The following RGS3 variants were observed in gnomAD, a reference collection of about 807,000 sequenced individuals.
RGS3 encodes the protein regulator of G protein signaling 3, also known as regulator of G-protein signalling 3.
In RGS3, 80 loss-of-function variants were observed where a neutral mutation model predicts 132.6. The observed-to-expected ratio is 0.60, with a 90% CI of 0.50 to 0.73. The LOEUF (loss-of-function observed/expected upper bound fraction) is 0.73, where lower values mean the gene tolerates loss of function less well. Among genes scored for constraint, RGS3 ranks in the 30% least tolerant of loss-of-function variants. RGS3 has a pLI of 0.00. For synonymous variants in RGS3, 598 were observed against 620.6 expected, an observed-to-expected ratio of 0.96 and a Z score of 0.54; for missense variants, 1,382 against 1,530.8, an observed-to-expected ratio of 0.90 and a Z score of 1.62.
At chr9:113,491,820 C>T (rs1476575385) in intron 7 of RGS3, among the ~76,000 whole-genome samples, 3 of 152,250 alleles carry the variant, frequency 2.0e-5, no homozygotes, top group African/African-American at 4.8e-5. Context: ...TCCCAAAGTG[C>T]TGGGATTACA....
chr9:113,484,167 AC>A lies in RGS3; in HGVS notation c.556del (p.Arg186AlafsTer53). ...CTTTGATCCCTGAAGATAGTAGACT[AC>A]GCCACCAGAAGACGCAGACCGTTCC... On this transcript the variant is annotated frameshift_variant, in exon 6 of 25. Coordinates refer to ENST00000350696, the Ensembl canonical transcript of RGS3. LOFTEE classifies it high-confidence loss of function. The A allele has an allele frequency of 6.2e-7, 1 of 1,612,362 alleles. No homozygotes were observed. Among genetic ancestry groups the A allele is most frequent in the Non-Finnish European group, 8.5e-7 (1 of 1,178,586 alleles).
At chr9:113,525,600 A>C (rs1240411951) in intron 17 of RGS3, among the ~76,000 whole-genome samples, 1 of 152,216 alleles carries the variant, frequency 6.6e-6, no homozygotes, top group Non-Finnish European at 1.5e-5. Flanking sequence ...TCAAACCACC[A>C]TGTATGCAGA....
chr9:113,509,717 C>T (rs1356337671), intron 14 of RGS3, among the ~76,000 whole-genome samples: 1 of 152,078 alleles, frequency 6.6e-6, no homozygotes, highest in Admixed American at 6.5e-5. Context: ...CCTTGCTGTT[C>T]CCCTCTCAGT....
In RGS3 at chr9:113,470,444, A is replaced by T. The variant is rs142894150; in HGVS notation, c.415+8243A>T. ...TTGAAGCTATGTTAACAACATACAG[A>T]TTTAGAATTATTATCTTTCTGGTGA... is the stretch of plus-strand genomic sequence containing the variant. On this transcript the variant is annotated intron_variant, in intron 3 of 24. Transcript: ENST00000350696. Among the ~76,000 whole-genome samples, 317 of 152,280 alleles carry T rather than the reference A, an allele frequency of 2.1e-3. 1 individual carries two copies. Among genetic ancestry groups the T allele is most frequent in the Middle Eastern group, 6.8e-3 (2 of 294 alleles).
intron 7 of RGS3, among the ~76,000 whole-genome samples, chr9:113,488,223 G>A (rs1291961587): frequency 2.0e-5 from 3 of 152,202 alleles, no homozygotes; most frequent in Non-Finnish European, 4.4e-5. Context: ...TGGGCGGCTG[G>A]TGGTGTCTCC....
At chr9:113,587,158 A>T (rs10981836) in intron 20 of RGS3, among the ~76,000 whole-genome samples, 2,255 of 151,244 alleles carry the variant, frequency 0.015, 65 homozygotes, top group African/African-American at 0.052. Context: ...GGCACTGGAC[A>T]AGGCCTCACC....
intron 7 of RGS3, among the ~76,000 whole-genome samples, chr9:113,494,059 T>G (rs1191150131): frequency 6.6e-6 from 1 of 152,116 alleles, no homozygotes; most frequent in Admixed American, 6.6e-5. Flanking sequence ...TGTTTCTTGA[T>G]TAATAGTTAT....
intron 8 of RGS3, among the ~76,000 whole-genome samples, chr9:113,496,943 C>T (rs1789256198): frequency 6.6e-6 from 1 of 152,164 alleles, no homozygotes; most frequent in African/African-American, 2.4e-5. Flanking sequence ...GCCTTTTGGT[C>T]TCTCCATCCC....
chr9:113,561,523 C>T (rs774445657), intron 19 of RGS3, among the ~76,000 whole-genome samples: 2 of 151,852 alleles, frequency 1.3e-5, no homozygotes, highest in Non-Finnish European at 2.9e-5. Context: ...AGCGATCCTC[C>T]CACTTCAGCC....
rs193084902 is a variant in RGS3 at position 113,564,938 on chromosome 9, C to T, written c.2038-18512C>T. The T allele has an allele frequency of 9.0e-6, 9 of 995,974 alleles. No individual in the cohort carries two copies. In the East Asian group the frequency reaches 7.8e-4, roughly 86 times the overall value. The allele number at this position is 995,974 out of a possible 1,614,324, so 61.7% of individuals were successfully genotyped here. A position where few individuals can be genotyped will look rare whatever the true frequency, so the allele number is the denominator to read the frequency against. The stretch of plus-strand genomic sequence containing the variant: ...GTGTGACAGGGAAGCCTCGGTGCCT[C>T]GGTGATTGGCTTGGTCTTGCAGGGA... On this transcript the variant is annotated intron_variant, in intron 19 of 24. Transcript: ENST00000350696.
chr9:113,502,565 G>A (rs918418554), intron 10 of RGS3, among the ~76,000 whole-genome samples: 9 of 152,208 alleles, frequency 5.9e-5, no homozygotes, highest in African/African-American at 2.2e-4. Context: ...CCCTCATGGG[G>A]CTGGGAAAAG....
intron 14 of RGS3, among the ~76,000 whole-genome samples, chr9:113,511,165 C>T (rs773720183): frequency 6.6e-6 from 1 of 152,188 alleles, no homozygotes; most frequent in Admixed American, 6.5e-5. Flanking sequence ...TGGCATTGTC[C>T]CTGCCCTGTA....
chr9:113,518,311 A>T (rs573646763), intron 16 of RGS3, among the ~76,000 whole-genome samples: 1 of 152,210 alleles, frequency 6.6e-6, no homozygotes, highest in Non-Finnish European at 1.5e-5. Flanking sequence ...TCAGGCCCCA[A>T]TGTAGAGCTG....
chr9:113,546,195 G>C (rs1028029778), intron 19 of RGS3, among the ~76,000 whole-genome samples: 1 of 152,196 alleles, frequency 6.6e-6, no homozygotes, highest in African/African-American at 2.4e-5. Context: ...TTCACAGTTA[G>C]GGTGTTTGAT....
At chr9:113,452,981 T>C (rs2119145026) in intron 1 of RGS3, among the ~76,000 whole-genome samples, 1 of 133,960 alleles carries the variant, frequency 7.5e-6, no homozygotes, top group South Asian at 2.2e-4. Context: ...TATTTATACA[T>C]AATATATAAT....
At chr9:113,492,898 A>G (rs1830564756) in intron 7 of RGS3, among the ~76,000 whole-genome samples, 1 of 152,236 alleles carries the variant, frequency 6.6e-6, no homozygotes, top group Non-Finnish European at 1.5e-5. Context: ...GTAAAACTCG[A>G]GGGAGGCTAT....
rs908435207 is a variant in RGS3, at chr9:113,537,388, G to T, written c.2037+470G>T. ...GTGGGCCAGAGCCAAGTAGAGCTGAGTGTGGACTGCTGGGGTCTGGGGACT... is the reference window on the plus strand; with the variant it reads ...GTGGGCCAGAGCCAAGTAGAGCTGATTGTGGACTGCTGGGGTCTGGGGACT... On this transcript the variant is annotated intron_variant, in intron 19 of 24. Coordinates refer to ENST00000350696, the Ensembl canonical transcript of RGS3. The surrounding 1 kb of genome is among the most constrained non-coding windows in gnomAD (Gnocchi z 4.3). 6.6e-6 allele frequency among the ~76,000 whole-genome samples: 1 copy of T among 152,202 alleles called. No homozygotes were observed. Among genetic ancestry groups the T allele is most frequent in the East Asian group, 1.9e-4 (1 of 5,180 alleles).
In RGS3 at chr9:113,576,298, A is replaced by T. The variant is rs551679106; in HGVS notation, c.2038-7152A>T. Reference sequence around the variant, plus strand: ...TCTTGGGCTGCACTTTGAGGCTAAGAGTCTAGATGGTCCTGTGAAGTTCAC... The same window carrying T: ...TCTTGGGCTGCACTTTGAGGCTAAGTGTCTAGATGGTCCTGTGAAGTTCAC... On this transcript the variant is annotated intron_variant, in intron 19 of 24. Transcript: ENST00000350696. Among the ~76,000 whole-genome samples, 9 of 151,372 alleles carry T rather than the reference A, an allele frequency of 5.9e-5. No homozygotes were observed. In the East Asian group the frequency reaches 1.6e-3, roughly 26 times the overall value.
chr9:113,548,680 C>G (rs754793868), intron 19 of RGS3, among the ~76,000 whole-genome samples: 6 of 152,210 alleles, frequency 3.9e-5, no homozygotes, highest in Non-Finnish European at 5.9e-5. Flanking sequence ...CCTCACACCC[C>G]CTCCTCATAC....
Sources: gnomAD v4.1 joint callset for allele counts (sites outside exome capture counted in the v4.1 genomes callset) on GRCh38, gnomAD v4.1.1 for gene constraint, Gnocchi (gnomAD v3.1) non-coding constraint, MANE v1.5 for transcripts, NCBI Gene and HGNC (gene_info 2026-07-23, HGNC 2026-07-21) for gene names.